AK4: variants seen among roughly 807,000 people sequenced by gnomAD.
AK4 encodes adenylate kinase 4.
Under a neutral mutation model 24.6 loss-of-function variants are expected in AK4, and 13 were observed. The observed-to-expected ratio is 0.53, with a 90% CI of 0.34 to 0.84. The LOEUF (loss-of-function observed/expected upper bound fraction) is 0.84. AK4 is among the 40% of genes least tolerant of loss of function. The pLI is 0.01. For synonymous variants in AK4, 88 were observed against 107.0 expected, an observed-to-expected ratio of 0.82 and a Z score of 1.10; for missense variants, 192 against 288.2, an observed-to-expected ratio of 0.67 and a Z score of 2.42.
At chr1:65,155,834 T>G (rs776798957) in intron 1 of AK4, among the ~76,000 whole-genome samples, 1 of 149,344 alleles carries the variant, frequency 6.7e-6, no homozygotes. Context: ...CATGCCTGGC[T>G]TAATTTTTTG....
chr1:65,190,260 C>CTT (rs552566388), intron 1 of AK4, among the ~76,000 whole-genome samples: 20 of 144,150 alleles, frequency 1.4e-4, no homozygotes, highest in Middle Eastern at 3.6e-3. Flanking sequence ...TTCTTTCTTT[C>CTT]TTTTTTTTTT....
At chr1:65,172,214 C>T (rs1335694798) in intron 1 of AK4, among the ~76,000 whole-genome samples, 1 of 150,554 alleles carries the variant, frequency 6.6e-6, no homozygotes, top group Non-Finnish European at 1.5e-5. Context: ...CCAGACGTTG[C>T]TGCCTTGGTG....
chr1:65,177,191 T>C (rs1650745872), intron 1 of AK4, among the ~76,000 whole-genome samples: 1 of 152,166 alleles, frequency 6.6e-6, no homozygotes, highest in Non-Finnish European at 1.5e-5. Flanking sequence ...AGGAAAGGTA[T>C]TGAAGACGGG....
intron 1 of AK4, among the ~76,000 whole-genome samples, chr1:65,150,285 CTTTT>C (rs71703627): frequency 1.5e-4 from 21 of 140,908 alleles, no homozygotes; most frequent in African/African-American, 4.1e-4. Flanking sequence ...CTCTCTCTCT[CTTTT>C]TTTTTTTTAA....
chr1:65,230,220 G>A lies in AK4; in HGVS notation c.*4043G>A, dbSNP rs1286585964. 1 of 152,158 alleles carries A rather than the reference G, an allele frequency of 6.6e-6. No homozygotes were observed. The highest frequency in any genetic ancestry group is 1.5e-5 in the Non-Finnish European group (1 of 68,036). 9.4% of individuals were successfully genotyped at this position (152,158 alleles called of 1,614,324 possible). A position where few individuals can be genotyped will look rare whatever the true frequency, so the allele number is the denominator to read the frequency against. On this transcript the variant is annotated 3_prime_UTR_variant, in exon 5 of 5. Transcript: ENST00000327299. ...TAGGTGTGCCCATCTCTTTGGTAGG[G>A]AAGGAGAAAGGTAAGAATAGCCATC...
chr1:65,200,166 T>G (rs188250350), intron 2 of AK4, among the ~76,000 whole-genome samples: 4 of 151,974 alleles, frequency 2.6e-5, no homozygotes, highest in Non-Finnish European at 5.9e-5. Context: ...CAGGCTGGAG[T>G]GCAATGGTGC....
intron 2 of AK4, among the ~76,000 whole-genome samples, chr1:65,211,985 A>G (rs1244580550): frequency 6.6e-6 from 1 of 152,160 alleles, no homozygotes; most frequent in Non-Finnish European, 1.5e-5. Context: ...GAGGATACAC[A>G]TGGGTATCTG....
chr1:65,222,359 T>C (rs979811745), intron 3 of AK4, among the ~76,000 whole-genome samples: 11 of 152,220 alleles, frequency 7.2e-5, no homozygotes, highest in South Asian at 6.2e-4. Context: ...AGCTCGACTT[T>C]ACAGGCTGAT....
rs1652488601 is a variant in AK4, at chr1:65,227,039, T to A, written c.*862T>A. 1 of 140,728 alleles carries A rather than the reference T, an allele frequency of 7.1e-6. No individual in the cohort carries two copies. 8.7% of individuals were successfully genotyped at this position (140,728 alleles called of 1,614,324 possible). ...TGAAAAAAAAAAAAAACCCTGAAAG[T>A]CTTGGGAACCCCCTAAAGTCTTTTG... On this transcript the variant is annotated 3_prime_UTR_variant, in exon 5 of 5. Transcript: ENST00000327299.
chr1:65,177,939 TAA>T (rs5774743), intron 1 of AK4, among the ~76,000 whole-genome samples: 1 of 148,198 alleles, frequency 6.7e-6, no homozygotes. Context: ...AGATAGCATT[TAA>T]AAAAAAAAAA....
chr1:65,214,368 C>T (rs1466879373), intron 2 of AK4, among the ~76,000 whole-genome samples: 3 of 152,154 alleles, frequency 2.0e-5, no homozygotes, highest in African/African-American at 7.2e-5. Flanking sequence ...GTCTTGGCCT[C>T]CCAGAGTGCT....
intron 1 of AK4, among the ~76,000 whole-genome samples, chr1:65,152,905 G>A (rs1353750764): frequency 6.6e-6 from 1 of 152,166 alleles, no homozygotes; most frequent in Non-Finnish European, 1.5e-5. Context: ...CATTGTATTA[G>A]AGAGACTTGG....
rs1328864435 is a variant in AK4 at position 65,231,718 on chromosome 1, A to G, written c.*5541A>G. On this transcript the variant is annotated 3_prime_UTR_variant, in exon 5 of 5. Transcript: ENST00000327299. The stretch of plus-strand genomic sequence containing the variant: ...GTAAGCTCCAAGGATATTAGGGCTT[A>G]AAGGGCTTTTCTAGTTTTATGAGAA... The G allele has an allele frequency of 6.6e-6, 1 of 152,244 alleles. No homozygotes were observed. The highest frequency in any genetic ancestry group is 1.9e-4 in the East Asian group (1 of 5,198). 9.4% of individuals were successfully genotyped at this position (152,244 alleles called of 1,614,324 possible).
At chr1:65,188,588 C>T (rs919236269) in intron 1 of AK4, among the ~76,000 whole-genome samples, 5 of 151,758 alleles carry the variant, frequency 3.3e-5, no homozygotes, top group Non-Finnish European at 7.4e-5. Context: ...ACACCATTCT[C>T]CTGCCTCAGT....
In AK4 at chr1:65,230,767, G is replaced by A. The variant is rs1050484666; in HGVS notation, c.*4590G>A. On this transcript the variant is annotated 3_prime_UTR_variant, in exon 5 of 5. Coordinates refer to ENST00000327299, the MANE Select transcript of AK4 (RefSeq NM_013410.4). ...TCTGTTTTTGGTGCTTTGGTGCAGA[G>A]ACAGGAAATGGGCACTCAGAGTCAC... is the stretch of plus-strand genomic sequence containing the variant. The A allele has an allele frequency of 1.3e-5, 2 of 152,162 alleles. No homozygotes were observed. Among genetic ancestry groups the A allele is most frequent in the African/African-American group, 4.8e-5 (2 of 41,430 alleles). The allele number at this position is 152,162 out of a possible 1,614,324, so 9.4% of individuals were successfully genotyped here.
intron 1 of AK4, 144 bp downstream of exon 1, chr1:65,148,696 G>C: frequency 7.8e-7 from 1 of 1,279,906 alleles, no homozygotes; most frequent in Non-Finnish European, 1.0e-6. Flanking sequence ...GGCGCATGCA[G>C]CTGGCGGCCG....
chr1:65,175,107 G>C (rs572883685), intron 1 of AK4, among the ~76,000 whole-genome samples: 1 of 152,118 alleles, frequency 6.6e-6, no homozygotes, highest in Middle Eastern at 3.2e-3. Context: ...GACAACCCCT[G>C]GTCCAGTACT....
At position 65,231,522 on chromosome 1, in the gene AK4, C is replaced by T. The variant is rs368054440; in HGVS notation, c.*5345C>T. 1 of 152,160 alleles carries T rather than the reference C, an allele frequency of 6.6e-6. No homozygotes were observed. The highest frequency in any genetic ancestry group is 1.5e-5 in the Non-Finnish European group (1 of 68,030). 9.4% of individuals were successfully genotyped at this position (152,160 alleles called of 1,614,324 possible). The stretch of plus-strand genomic sequence containing the variant: ...TAAAGCTTTTCAAAGGAGCAGACCA[C>T]CTTGAAGATTCCCCCTAGGGTTGAT... On this transcript the variant is annotated 3_prime_UTR_variant, in exon 5 of 5. Coordinates refer to ENST00000327299, the MANE Select transcript of AK4 (RefSeq NM_013410.4).
Position 65,231,519 on chromosome 1 carries a change from C to G in AK4, c.*5342C>G, listed in dbSNP as rs1416116418. 2.6e-5 allele frequency: 4 copies of G among 152,276 alleles called. No homozygotes were observed. The highest frequency in any genetic ancestry group is 9.6e-5 in the African/African-American group (4 of 41,556). 9.4% of individuals were successfully genotyped at this position (152,276 alleles called of 1,614,324 possible). ...GTTTAAAGCTTTTCAAAGGAGCAGACCACCTTGAAGATTCCCCCTAGGGTT... is the reference window on the plus strand; with the variant it reads ...GTTTAAAGCTTTTCAAAGGAGCAGAGCACCTTGAAGATTCCCCCTAGGGTT... On this transcript the variant is annotated 3_prime_UTR_variant, in exon 5 of 5. Transcript: ENST00000327299.
Sources: allele counts gnomAD v4.1 joint callset (sites outside exome capture counted in the v4.1 genomes callset), GRCh38; gene constraint gnomAD v4.1.1; transcripts MANE v1.5; gene names NCBI Gene and HGNC (gene_info 2026-07-23, HGNC 2026-07-21).